The following CCDC60 variants were observed in gnomAD, a reference collection of about 807,000 sequenced individuals.
CCDC60 encodes coiled-coil domain-containing protein 60.
In CCDC60, 54 loss-of-function variants were observed where a neutral mutation model predicts 63.5. That is an observed-to-expected ratio of 0.85 (90% CI 0.68 to 1.07). The LOEUF is 1.07. Ranked by LOEUF, CCDC60 falls within the 50% of genes least tolerant of loss-of-function variation. The pLI, the probability that CCDC60 is intolerant of heterozygous loss-of-function variation, is 0.00. For missense variants in CCDC60, 651 were observed against 684.3 expected, an observed-to-expected ratio of 0.95 and a Z score of 0.54; for synonymous variants, 206 against 238.8, an observed-to-expected ratio of 0.86 and a Z score of 1.27.
Position 119,410,917 on chromosome 12 carries a change from A to AT in CCDC60, c.91-17757dup, listed in dbSNP as rs34794529. On this transcript the variant is annotated intron_variant, in intron 1 of 13. Transcript: ENST00000327554. The surrounding 1 kb of genome is among the most constrained non-coding windows in gnomAD (Gnocchi z 4.0). ...ACCACTACACTCAGCTAATTTTTGT[A>AT]TTTTTTTTTAGTAGAGACAGGGTTT... Among the ~76,000 whole-genome samples, 17 of 151,484 alleles carry AT rather than the reference A, an allele frequency of 1.1e-4. No homozygotes were observed. The highest frequency in any genetic ancestry group is 2.7e-4 in the African/African-American group (11 of 41,272).
intron 1 of CCDC60, among the ~76,000 whole-genome samples, chr12:119,421,828 T>A (rs989068122): frequency 6.6e-6 from 1 of 152,162 alleles, no homozygotes; most frequent in Non-Finnish European, 1.5e-5. Flanking sequence ...TTGCCACACT[T>A]CACTTCTCAG....
At chr12:119,479,416 A>T (rs957944229) in intron 4 of CCDC60, 1 of 537,236 alleles carries the variant, frequency 1.9e-6, no homozygotes, top group Non-Finnish European at 3.3e-6. Context: ...GGACTGAGTC[A>T]TTTCATTTCT....
intron 1 of CCDC60, among the ~76,000 whole-genome samples, chr12:119,349,385 G>C (rs1187599731): frequency 7.6e-6 from 1 of 131,816 alleles, no homozygotes; most frequent in African/African-American, 2.9e-5. Flanking sequence ...TCTCTCTGTT[G>C]CCCAGGCTAG....
chr12:119,358,416 A>C (rs1179376555), intron 1 of CCDC60, among the ~76,000 whole-genome samples: 2 of 152,178 alleles, frequency 1.3e-5, no homozygotes. Context: ...ATGACACAGC[A>C]AGAAGGTTCC....
At chr12:119,399,765 C>T (rs1956354804) in intron 1 of CCDC60, among the ~76,000 whole-genome samples, 1 of 152,180 alleles carries the variant, frequency 6.6e-6, no homozygotes, top group South Asian at 2.1e-4. Context: ...CATGTGGCTG[C>T]CACTGGGCAT....
chr12:119,509,149 C>G lies in CCDC60; in HGVS notation c.883+3846C>G, dbSNP rs114739468. On this transcript the variant is annotated intron_variant, in intron 7 of 13. Transcript: ENST00000327554. ...ACTCCCTCAAACCCTACCCTCTTCA[C>G]ACCTATTGCTTTTGTCTTGAAGATA... is the stretch of plus-strand genomic sequence containing the variant. 4.9e-3 allele frequency among the ~76,000 whole-genome samples: 754 copies of G among 152,326 alleles called. 3 individuals are homozygous for G. The highest frequency in any genetic ancestry group is 0.018 in the African/African-American group (728 of 41,578).
intron 1 of CCDC60, among the ~76,000 whole-genome samples, chr12:119,372,740 C>A (rs1051986805): frequency 3.3e-5 from 5 of 152,126 alleles, no homozygotes; most frequent in Non-Finnish European, 7.3e-5. Flanking sequence ...GAGATGGTTG[C>A]ATAACCCACT....
chr12:119,389,683 C>A (rs1380614894), intron 1 of CCDC60, among the ~76,000 whole-genome samples: 1 of 152,072 alleles, frequency 6.6e-6, no homozygotes, highest in East Asian at 1.9e-4. Context: ...GATTGTCGAT[C>A]ATGGTAAGTC....
chr12:119,462,031 T>A (rs1458109287), intron 2 of CCDC60, among the ~76,000 whole-genome samples: 1 of 152,194 alleles, frequency 6.6e-6, no homozygotes, highest in Non-Finnish European at 1.5e-5. Flanking sequence ...CCTAACCACA[T>A]TCATCTGTCA....
At chr12:119,337,061 A>C (rs1182104759) in intron 1 of CCDC60, among the ~76,000 whole-genome samples, 1 of 152,108 alleles carries the variant, frequency 6.6e-6, no homozygotes, top group African/African-American at 2.4e-5. Context: ...GAGAGCTTAA[A>C]ACTCACAAGG....
At chr12:119,399,877 C>T (rs1212652757) in intron 1 of CCDC60, among the ~76,000 whole-genome samples, 3 of 152,136 alleles carry the variant, frequency 2.0e-5, no homozygotes, top group Non-Finnish European at 4.4e-5. Flanking sequence ...AAACATACCC[C>T]TACACACCAA....
At chr12:119,539,489 A>G (rs796788131) in intron 13 of CCDC60, among the ~76,000 whole-genome samples, 5 of 152,248 alleles carry the variant, frequency 3.3e-5, no homozygotes, top group African/African-American at 1.2e-4. Flanking sequence ...CTGTGAGGGG[A>G]AAACTGCCTA....
chr12:119,481,833 ATGAG>A (rs1356723663), intron 4 of CCDC60, among the ~76,000 whole-genome samples: 1 of 151,762 alleles, frequency 6.6e-6, no homozygotes, highest in African/African-American at 2.4e-5. Flanking sequence ...AGCTCTACTT[ATGAG>A]TGAGAACACA....
chr12:119,435,906 A>G (rs903303719), intron 2 of CCDC60, among the ~76,000 whole-genome samples: 2 of 152,130 alleles, frequency 1.3e-5, no homozygotes, highest in Non-Finnish European at 2.9e-5. Flanking sequence ...GGATTCTCTC[A>G]TATGTTTGGA....
chr12:119,372,895 C>T (rs1016534665), intron 1 of CCDC60, among the ~76,000 whole-genome samples: 2 of 152,080 alleles, frequency 1.3e-5, no homozygotes, highest in South Asian at 2.1e-4. Context: ...TCTAACAAGG[C>T]GTTTCAAAAG....
intron 2 of CCDC60, among the ~76,000 whole-genome samples, chr12:119,459,581 A>G (rs7305497): frequency 0.013 from 2,041 of 152,296 alleles, 39 homozygotes; most frequent in African/African-American, 0.046. Context: ...AAGATTCCTG[A>G]CCACCCCCAT....
chr12:119,516,491 G>T lies in CCDC60; in HGVS notation c.884-132G>T, dbSNP rs978875617. The T allele has an allele frequency of 6.2e-5, 39 of 625,414 alleles. 1 individual carries two copies. The highest frequency in any genetic ancestry group is 5.8e-4 in the South Asian group (29 of 50,106). 38.7% of individuals were successfully genotyped at this position (625,414 alleles called of 1,614,324 possible). A position where few individuals can be genotyped will look rare whatever the true frequency, so the allele number is the denominator to read the frequency against. The stretch of plus-strand genomic sequence containing the variant: ...TATCAGCCACCTCTTCTGGACCCCA[G>T]TGGAATCTCTCTCCAGATCTCCAAC... On this transcript the variant is annotated intron_variant, in intron 7 of 13. Transcript: ENST00000327554.
chr12:119,519,465 ATAT>A (rs1566058706), intron 8 of CCDC60, among the ~76,000 whole-genome samples: 3 of 122,192 alleles, frequency 2.5e-5, no homozygotes, highest in Admixed American at 8.1e-5. Flanking sequence ...ATATATATAT[ATAT>A]TTTTTTTTTT....
At chr12:119,498,186 C>A (rs1365380715) in intron 5 of CCDC60, among the ~76,000 whole-genome samples, 1 of 152,118 alleles carries the variant, frequency 6.6e-6, no homozygotes, top group African/African-American at 2.4e-5. Flanking sequence ...GAGAAGTCAG[C>A]CTTAAGTTAG....
Sources: allele counts gnomAD v4.1 joint callset (sites outside exome capture counted in the v4.1 genomes callset), GRCh38; gene constraint gnomAD v4.1.1; non-coding constraint Gnocchi (gnomAD v3.1); transcripts MANE v1.5; gene names NCBI Gene and HGNC (gene_info 2026-07-23, HGNC 2026-07-21).